ZMYM4: variants seen among roughly 807,000 people sequenced by gnomAD.
ZMYM4 encodes the protein zinc finger MYM-type protein 4.
A neutral mutation model predicts 183.2 loss-of-function variants in ZMYM4; 31 were observed. The ratio of observed to expected loss-of-function variants is 0.17; its 90% CI spans 0.13 to 0.23. ZMYM4 has a LOEUF of 0.23. Among genes scored for constraint, ZMYM4 ranks in the 10% least tolerant of loss-of-function variants. The pLI is 1.00. For synonymous variants in ZMYM4, 592 were observed against 631.2 expected (o/e 0.94, Z 0.93); for missense variants, 1,273 against 1,840.3 (o/e 0.69, Z 5.64).
intron 29 of ZMYM4, among the ~76,000 whole-genome samples, chr1:35,419,199 C>G (rs2149052482): frequency 6.6e-6 from 1 of 152,148 alleles, no homozygotes; most frequent in African/African-American, 2.4e-5. Context: ...ATACTCACTT[C>G]CAATCCATTG....
At chr1:35,293,960 C>A (rs550607778) in intron 1 of ZMYM4, among the ~76,000 whole-genome samples, 133 of 152,112 alleles carry the variant, frequency 8.7e-4, no homozygotes, top group African/African-American at 3.0e-3. Context: ...ACAGTGAAAC[C>A]CCATCTCTAC....
intron 7 of ZMYM4, among the ~76,000 whole-genome samples, chr1:35,373,239 C>CATATATAT (rs149850987): frequency 2.0e-5 from 3 of 148,028 alleles, no homozygotes; most frequent in East Asian, 2.0e-4. Context: ...TATATATATG[C>CATATATAT]ATATATATAT....
chr1:35,346,146 G>T (rs1364153490), intron 2 of ZMYM4, among the ~76,000 whole-genome samples: 2 of 152,110 alleles, frequency 1.3e-5, no homozygotes, highest in African/African-American at 4.8e-5. Context: ...CTATTCCATT[G>T]TATGTATATA....
At chr1:35,378,221 A>G (rs1046505454) in intron 7 of ZMYM4, among the ~76,000 whole-genome samples, 9 of 152,218 alleles carry the variant, frequency 5.9e-5, no homozygotes, top group Admixed American at 3.3e-4. Context: ...CAAACTCCTC[A>G]GAGTCATCTG....
rs539065558 is a variant in ZMYM4 at position 35,355,284 on chromosome 1, T to C, written c.86-3641T>C. On this transcript the variant is annotated intron_variant, in intron 2 of 29. Transcript: ENST00000314607. ...GGATGGTCTCAATCTCCTGACCTCA[T>C]GATCCGCCCACCTTGGCCTCCCAAA... Among the ~76,000 whole-genome samples the C allele has an allele frequency of 7.4e-5, 11 of 148,106 alleles. 2 individuals are homozygous for C. The highest frequency in any genetic ancestry group is 2.2e-4 in the African/African-American group (9 of 40,412).
chr1:35,297,527 T>C lies in ZMYM4; in HGVS notation c.40-27833T>C, dbSNP rs1325731283. On this transcript the variant is annotated intron_variant, in intron 1 of 29. Coordinates refer to ENST00000314607, the MANE Select transcript of ZMYM4 (RefSeq NM_005095.3). The stretch of plus-strand genomic sequence containing the variant: ...ATTTTTAAGGTTATCTTGAAAGGTC[T>C]CTCTTTCTCTGACTGTGACTTGAGC... Among the ~76,000 whole-genome samples, 3 of 152,226 alleles carry C rather than the reference T, an allele frequency of 2.0e-5. No individual in the cohort carries two copies. In the East Asian group the frequency reaches 5.8e-4, roughly 29 times the overall value.
At chr1:35,411,983 AC>A (rs371501222) in intron 26 of ZMYM4, among the ~76,000 whole-genome samples, 2,683 of 151,498 alleles carry the variant, frequency 0.018, 65 homozygotes, top group African/African-American at 0.062. Flanking sequence ...CCTGGGTTCA[AC>A]GCCATTCTCC....
intron 1 of ZMYM4, among the ~76,000 whole-genome samples, chr1:35,318,589 C>T (rs1033459883): frequency 6.6e-6 from 1 of 152,036 alleles, no homozygotes; most frequent in Non-Finnish European, 1.5e-5. Context: ...TCCCAAATAG[C>T]TGGGATTACA....
At chr1:35,409,930 ACT>A (rs1639811099) in intron 26 of ZMYM4, among the ~76,000 whole-genome samples, 2 of 144,930 alleles carry the variant, frequency 1.4e-5, no homozygotes, top group South Asian at 4.4e-4. Flanking sequence ...ACAGAACAAG[ACT>A]CTGTCTCAAA....
At chr1:35,387,420 G>A (rs774808599) in intron 12 of ZMYM4, 34 bp from the exon 13 acceptor site, 1 of 1,580,916 alleles carries the variant, frequency 6.3e-7, no homozygotes, top group Non-Finnish European at 8.6e-7. Context: ...CAAACCAAAT[G>A]TTTAATTAGT....
At chr1:35,402,976 CAG>C (rs1240135423) in intron 23 of ZMYM4, among the ~76,000 whole-genome samples, 1 of 152,170 alleles carries the variant, frequency 6.6e-6, no homozygotes, top group Non-Finnish European at 1.5e-5. Context: ...AGTCTTGCAA[CAG>C]AAAGTATGAT....
rs112600468 is a variant in ZMYM4 at position 35,363,556 on chromosome 1, A to G, written c.840+1767A>G. ...GTGATTCATGTGAGTCACTGAGTCAAATTGATGCTCAGTTAGCATGAATTC... is the reference window on the plus strand; with the variant it reads ...GTGATTCATGTGAGTCACTGAGTCAGATTGATGCTCAGTTAGCATGAATTC... On this transcript the variant is annotated intron_variant, in intron 5 of 29. Transcript: ENST00000314607. Among the ~76,000 whole-genome samples the G allele has an allele frequency of 8.5e-5, 13 of 152,288 alleles. 2 individuals are homozygous for G. The highest frequency in any genetic ancestry group is 2.6e-4 in the African/African-American group (11 of 41,538).
intron 1 of ZMYM4, among the ~76,000 whole-genome samples, chr1:35,319,845 A>G (rs903801688): frequency 6.6e-6 from 1 of 152,190 alleles, no homozygotes. Flanking sequence ...TTGAAACTTC[A>G]GTGGAAACTT....
intron 2 of ZMYM4, chr1:35,351,138 G>A: frequency 9.4e-7 from 1 of 1,062,364 alleles, no homozygotes; most frequent in Non-Finnish European, 1.4e-6. Flanking sequence ...TCAGCCACGT[G>A]CCTTTACCTG....
intron 1 of ZMYM4, among the ~76,000 whole-genome samples, chr1:35,286,100 A>T (rs74064177): frequency 1.2e-3 from 181 of 152,290 alleles, no homozygotes; most frequent in African/African-American, 4.2e-3. Flanking sequence ...AAGAAGTAAA[A>T]CTATCTCTAT....
intron 2 of ZMYM4, among the ~76,000 whole-genome samples, chr1:35,335,826 G>A (rs566420025): frequency 1.5e-4 from 23 of 152,168 alleles, no homozygotes; most frequent in Non-Finnish European, 2.8e-4. Context: ...GATGGCAGGC[G>A]CATGTAGTCC....
rs558231283 is a variant in ZMYM4 at position 35,324,459 on chromosome 1, T to C, written c.40-901T>C. On this transcript the variant is annotated intron_variant, in intron 1 of 29. Transcript: ENST00000314607. ...GGAGTGGTGGTTCTGTTTGTTTACC[T>C]TGAACTTTCTCTTTCACATAGGTTT... Among the ~76,000 whole-genome samples the C allele has an allele frequency of 2.6e-5, 4 of 152,334 alleles. No individual in the cohort carries two copies. The East Asian group carries it at 7.7e-4, about 29-fold the overall frequency.
rs1644276810 is a variant in ZMYM4 at position 35,374,011 on chromosome 1, A to G, written c.1181+3384A>G. 5.8e-5 allele frequency among the ~76,000 whole-genome samples: 8 copies of G among 137,034 alleles called. No homozygotes were observed. The East Asian group carries it at 1.0e-3, about 18-fold the overall frequency. The allele number at this position is 137,034 out of a possible 152,430, so 89.9% of individuals were successfully genotyped here. On this transcript the variant is annotated intron_variant, in intron 7 of 29. Coordinates refer to ENST00000314607, the MANE Select transcript of ZMYM4 (RefSeq NM_005095.3). ...ATTTCTGTATTCCAGTATGTTCATC[A>G]TGGGATTCTTTTTTTTTTTTTTTTT...
intron 2 of ZMYM4, among the ~76,000 whole-genome samples, chr1:35,342,883 T>C (rs1210646862): frequency 6.6e-6 from 1 of 152,126 alleles, no homozygotes; most frequent in Non-Finnish European, 1.5e-5. Context: ...GGTTTCACCA[T>C]GTTGCCCAGG....
Sources: allele counts gnomAD v4.1 joint callset (sites outside exome capture counted in the v4.1 genomes callset), GRCh38; gene constraint gnomAD v4.1.1; transcripts MANE v1.5; gene names NCBI Gene and HGNC (gene_info 2026-07-23, HGNC 2026-07-21).